The following COL19A1 variants were observed in gnomAD, a reference collection of about 807,000 sequenced individuals.
The protein encoded by COL19A1 is collagen type XIX alpha 1 chain.
A neutral mutation model predicts 190.2 loss-of-function variants in COL19A1; 159 were observed. That is an observed-to-expected ratio of 0.84 (90% CI 0.73 to 0.95). COL19A1 has a LOEUF of 0.95. Among genes scored for constraint, COL19A1 ranks in the 40% least tolerant of loss-of-function variants. COL19A1 has a pLI of 0.00. For missense variants in COL19A1, 1,418 were observed against 1,431.9 expected, an observed-to-expected ratio of 0.99 and a Z score of 0.16; for synonymous variants, 509 against 458.9, an observed-to-expected ratio of 1.11 and a Z score of -1.39.
At chr6:70,023,768 G>C (rs1778580631) in intron 12 of COL19A1, 88 bp downstream of exon 12, 1 of 1,210,254 alleles carries the variant, frequency 8.3e-7, no homozygotes, top group Admixed American at 2.3e-5. Flanking sequence ...CCTATTTTTG[G>C]CAGAGCCAGC....
intron 11 of COL19A1, among the ~76,000 whole-genome samples, chr6:69,995,422 G>A (rs562117810): frequency 1.6e-3 from 241 of 152,266 alleles, no homozygotes; most frequent in Middle Eastern, 3.4e-3. Flanking sequence ...ACAAATGTCA[G>A]TTAGGTAGCT....
At chr6:69,979,536 T>A (rs1040551088) in intron 11 of COL19A1, among the ~76,000 whole-genome samples, 1 of 151,906 alleles carries the variant, frequency 6.6e-6, no homozygotes, top group Non-Finnish European at 1.5e-5. Context: ...CAGCAAATAC[T>A]ATTCTTAAAA....
At chr6:70,176,676 A>G (rs894310644) in intron 42 of COL19A1, 112 bp downstream of exon 42, 35 of 871,264 alleles carry the variant, frequency 4.0e-5, no homozygotes, top group Non-Finnish European at 5.1e-5. Context: ...CTCCCATGGC[A>G]TTAGGTTCCT....
intron 48 of COL19A1, 90 bp from the exon 49 acceptor site, chr6:70,199,518 T>G: frequency 1.9e-6 from 2 of 1,029,264 alleles, no homozygotes; most frequent in Non-Finnish European, 2.6e-6. Context: ...AACTAAATCT[T>G]TTTGTTTGTT....
chr6:70,158,752 G>T (rs1787595469), intron 34 of COL19A1, among the ~76,000 whole-genome samples: 1 of 152,048 alleles, frequency 6.6e-6, no homozygotes, highest in Admixed American at 6.6e-5. Flanking sequence ...ACTGGGCTAG[G>T]ATTTGCAAAA....
At chr6:70,184,809 T>G in intron 45 of COL19A1, 62 bp from the exon 46 acceptor site, 1 of 1,604,658 alleles carries the variant, frequency 6.2e-7, no homozygotes, top group Non-Finnish European at 8.5e-7. Flanking sequence ...AACATTTACA[T>G]CAATCAGACT....
At chr6:70,137,384 T>C (rs764091816) in intron 18 of COL19A1, among the ~76,000 whole-genome samples, 81 of 152,324 alleles carry the variant, frequency 5.3e-4, no homozygotes, top group Admixed American at 2.2e-3. Flanking sequence ...AACAAAATTA[T>C]AATTTTTCTC....
chr6:70,010,408 G>A lies in COL19A1; in HGVS notation c.1027-13219G>A, dbSNP rs986056654. 7.7e-5 allele frequency among the ~76,000 whole-genome samples: 11 copies of A among 142,436 alleles called. 1 individual carries two copies. The highest frequency in any genetic ancestry group is 4.8e-4 in the East Asian group (2 of 4,170). The allele number at this position is 142,436 out of a possible 152,430, so 93.4% of individuals were successfully genotyped here. A position where few individuals can be genotyped will look rare whatever the true frequency, so the allele number is the denominator to read the frequency against. The stretch of plus-strand genomic sequence containing the variant: ...CCGGTCTACAGCTCCCAGCGTGAGC[G>A]ACGCAGAAGACGGTGATTTCTGCAT... On this transcript the variant is annotated intron_variant, in intron 11 of 50. Transcript: ENST00000620364.
At chr6:69,999,269 C>T (rs13213625) in intron 11 of COL19A1, among the ~76,000 whole-genome samples, 1 of 150,880 alleles carries the variant, frequency 6.6e-6, no homozygotes, top group Non-Finnish European at 1.5e-5. Context: ...TAGTGGCTCA[C>T]GCCTGTAATC....
At chr6:70,036,328 A>G (rs964958635) in intron 14 of COL19A1, among the ~76,000 whole-genome samples, 2 of 152,248 alleles carry the variant, frequency 1.3e-5, no homozygotes, top group Admixed American at 6.5e-5. Flanking sequence ...CTAATCACCC[A>G]GTGAATAAAA....
intron 17 of COL19A1, among the ~76,000 whole-genome samples, chr6:70,128,603 A>T (rs1206937180): frequency 2.0e-5 from 3 of 152,270 alleles, no homozygotes; most frequent in African/African-American, 7.2e-5. Flanking sequence ...AGGAGTAAAC[A>T]GGAGTTACAT....
chr6:70,201,974 T>A (rs910479027), intron 49 of COL19A1, among the ~76,000 whole-genome samples: 1 of 152,204 alleles, frequency 6.6e-6, no homozygotes, highest in African/African-American at 2.4e-5. Flanking sequence ...TACATGTAAC[T>A]TATAAGCTTT....
At position 70,101,701 on chromosome 6, in the gene COL19A1, C is replaced by T. The variant is rs571769443; in HGVS notation, c.1225-468C>T. On this transcript the variant is annotated intron_variant, in intron 15 of 50. Transcript: ENST00000620364. ...GGCTCCGACCCCCGGGATTCTAAAC[C>T]GTGAATTCTAGGATGAAGTCCAGGA... Among the ~76,000 whole-genome samples, 18 of 152,204 alleles carry T rather than the reference C, an allele frequency of 1.2e-4. No homozygotes were observed. The South Asian group carries it at 2.7e-3, about 23-fold the overall frequency.
chr6:69,986,910 T>A (rs1776345504), intron 11 of COL19A1, among the ~76,000 whole-genome samples: 1 of 152,132 alleles, frequency 6.6e-6, no homozygotes, highest in South Asian at 2.1e-4. Context: ...GTATTTTGTT[T>A]CATTTTGTGT....
At chr6:70,083,304 A>C (rs12199202) in intron 15 of COL19A1, among the ~76,000 whole-genome samples, 43,987 of 152,106 alleles carry the variant, frequency 0.29, 8,035 homozygotes, top group Non-Finnish European at 0.41. Flanking sequence ...TGCCTTATAC[A>C]CACTTTAAAT....
chr6:70,154,840 G>C (rs551340356), intron 31 of COL19A1, among the ~76,000 whole-genome samples: 1 of 152,154 alleles, frequency 6.6e-6, no homozygotes, highest in East Asian at 1.9e-4. Flanking sequence ...CAGCACAGGA[G>C]AAAGATGAAA....
At chr6:70,105,456 A>G (rs980005402) in intron 16 of COL19A1, among the ~76,000 whole-genome samples, 2 of 152,166 alleles carry the variant, frequency 1.3e-5, no homozygotes, top group South Asian at 4.2e-4. Context: ...GTGCCTGGCC[A>G]GTATTCACTA....
At chr6:70,078,234 A>G (rs572927807) in intron 15 of COL19A1, among the ~76,000 whole-genome samples, 4 of 152,340 alleles carry the variant, frequency 2.6e-5, no homozygotes, top group Admixed American at 2.6e-4. Flanking sequence ...CTGAGGGCCT[A>G]TTTATTTACT....
chr6:69,945,359 A>G lies in COL19A1; in HGVS notation c.936+7259A>G, dbSNP rs143937409. Among the ~76,000 whole-genome samples the G allele has an allele frequency of 2.9e-3, 448 of 152,002 alleles. 6 individuals are homozygous for G. The highest frequency in any genetic ancestry group is 0.027 in the South Asian group (130 of 4,816). ...ACTTCTCCTGCCCTCCAATCCCACT[A>G]TAGAGGTTTTCATTTTGAGTAGTCT... is the stretch of plus-strand genomic sequence containing the variant. On this transcript the variant is annotated intron_variant, in intron 9 of 50. Coordinates refer to ENST00000620364, the MANE Select transcript of COL19A1 (RefSeq NM_001858.6).
Sources: allele counts gnomAD v4.1 joint callset (sites outside exome capture counted in the v4.1 genomes callset), GRCh38; gene constraint gnomAD v4.1.1; transcripts MANE v1.5; gene names NCBI Gene and HGNC (gene_info 2026-07-23, HGNC 2026-07-21).